Variants in ATXN7L1 observed in about 807,000 individuals in gnomAD.
ATXN7L1 encodes ataxin-7-like protein 1.
ATXN7L1 carries 15 observed loss-of-function variants against 70.8 expected under a neutral mutation model. The observed-to-expected ratio is 0.21, with a 90% confidence interval of 0.14 to 0.33. The LOEUF (loss-of-function observed/expected upper bound fraction) is 0.33, where lower values mean the gene tolerates loss of function less well. ATXN7L1 is among the 10% of genes least tolerant of loss of function. The probability of loss-of-function intolerance (pLI) is 1.00; values close to 1 mark genes in which losing one functional copy is unlikely to be tolerated. For synonymous variants in ATXN7L1, 440 were observed against 445.1 expected (o/e 0.99, Z 0.14); for missense variants, 975 against 1,097.1 (o/e 0.89, Z 1.57).
intron 3 of ATXN7L1, among the ~76,000 whole-genome samples, chr7:105,671,856 C>A (rs1803761820): frequency 7.6e-6 from 1 of 131,350 alleles, no homozygotes; most frequent in Non-Finnish European, 1.5e-5. Context: ...TTCCACTGCA[C>A]TCCAGCCTGA....
chr7:105,690,725 C>T (rs1432916341), intron 3 of ATXN7L1, among the ~76,000 whole-genome samples: 2 of 152,188 alleles, frequency 1.3e-5, no homozygotes, highest in Non-Finnish European at 2.9e-5. Context: ...GAGCGGCAGA[C>T]TCAGAGATGG....
At chr7:105,827,902 T>C (rs569557058) in intron 2 of ATXN7L1, among the ~76,000 whole-genome samples, 22 of 152,240 alleles carry the variant, frequency 1.4e-4, no homozygotes, top group Admixed American at 2.0e-4. Context: ...CAGTGAAACA[T>C]AGGAATAATC....
At chr7:105,857,826 T>C (rs1563148810) in intron 2 of ATXN7L1, among the ~76,000 whole-genome samples, 1 of 152,198 alleles carries the variant, frequency 6.6e-6, no homozygotes, top group East Asian at 1.9e-4. Context: ...TTTCACACTA[T>C]ACAAGCATCT....
chr7:105,796,103 G>A (rs549433792), intron 2 of ATXN7L1, among the ~76,000 whole-genome samples: 3 of 152,146 alleles, frequency 2.0e-5, no homozygotes, highest in African/African-American at 2.4e-5. Flanking sequence ...GGTGGCTCAC[G>A]CCTGTAATCC....
At chr7:105,754,127 G>A (rs1035723669) in intron 3 of ATXN7L1, among the ~76,000 whole-genome samples, 5 of 152,158 alleles carry the variant, frequency 3.3e-5, no homozygotes, top group African/African-American at 1.2e-4. Flanking sequence ...GATAGACTGC[G>A]GTAAGAGCTC....
intron 3 of ATXN7L1, among the ~76,000 whole-genome samples, chr7:105,695,714 G>T (rs1408890101): frequency 6.6e-6 from 1 of 152,200 alleles, no homozygotes; most frequent in Non-Finnish European, 1.5e-5. Flanking sequence ...TTAGGCCTTT[G>T]CTGAGTTCTT....
chr7:105,832,858 C>A (rs1811822130), intron 2 of ATXN7L1, among the ~76,000 whole-genome samples: 1 of 152,176 alleles, frequency 6.6e-6, no homozygotes, highest in African/African-American at 2.4e-5. Flanking sequence ...CACATCCCAC[C>A]TTTAATCCTT....
In ATXN7L1 at chr7:105,722,511, A is replaced by G. The variant is rs184648042; in HGVS notation, c.356-57223T>C. Among the ~76,000 whole-genome samples, 614 of 136,816 alleles carry G rather than the reference A, an allele frequency of 4.5e-3. 2 individuals carry two copies. Among genetic ancestry groups the G allele is most frequent in the African/African-American group, 0.015 (554 of 36,200 alleles). 89.8% of individuals were successfully genotyped at this position (136,816 alleles called of 152,430 possible). On this transcript the variant is annotated intron_variant, in intron 3 of 11. Coordinates refer to ENST00000419735, the MANE Select transcript of ATXN7L1 (RefSeq NM_020725.2). ...GGGAGGCGGAGGTTGCAGTGAGCCA[A>G]GATTGTGCCACTGTACTCCAGCCTG...
At chr7:105,825,288 C>A in intron 2 of ATXN7L1, among the ~76,000 whole-genome samples, 1 of 152,142 alleles carries the variant, frequency 6.6e-6, no homozygotes, top group Middle Eastern at 3.4e-3. Context: ...TTGAGCAGGA[C>A]GAAGACAGGC....
intron 7 of ATXN7L1, 40 bp downstream of exon 7, chr7:105,638,313 A>ACT: frequency 6.5e-7 from 1 of 1,527,312 alleles, no homozygotes; most frequent in Non-Finnish European, 8.8e-7. Context: ...TAGTCACTTG[A>ACT]CCAAGCATTC....
chr7:105,796,050 G>A (rs1430440773), intron 2 of ATXN7L1, among the ~76,000 whole-genome samples: 1 of 152,200 alleles, frequency 6.6e-6, no homozygotes, highest in African/African-American at 2.4e-5. Flanking sequence ...TTCCAGGAAG[G>A]TAGATGTGAG....
At chr7:105,675,517 C>G (rs921940883) in intron 3 of ATXN7L1, among the ~76,000 whole-genome samples, 1 of 151,786 alleles carries the variant, frequency 6.6e-6, no homozygotes, top group Admixed American at 6.6e-5. Flanking sequence ...CCCCGCTACT[C>G]GGGAGGTTGA....
chr7:105,674,933 A>C (rs1393101263), intron 3 of ATXN7L1, among the ~76,000 whole-genome samples: 1 of 152,160 alleles, frequency 6.6e-6, no homozygotes, highest in Non-Finnish European at 1.5e-5. Flanking sequence ...AAACTACAGA[A>C]ATAGAATCTG....
Position 105,614,024 on chromosome 7 carries a change from G to A in ATXN7L1, c.2310C>T (p.Leu770=). The A allele has an allele frequency of 6.4e-7, 1 of 1,552,022 alleles. No homozygotes were observed. ...TTTTTCCTTCTGATTTGTCAAAAGA[G>A]AGGGGCAGAGAAGACACAGCATTGT... ...ASHNAVSSLP[L]SFDKSEGKKR... is the part of the protein sequence containing the mutation. The change falls in exon 10 of 12, where the codon CTC becomes CTT. Residue 770 remains leucine, a synonymous_variant. Transcript: ENST00000419735. The surrounding 1 kb of genome is among the most constrained non-coding windows in gnomAD (Gnocchi z 4.3).
At position 105,614,190 on chromosome 7, in the gene ATXN7L1, T is replaced by C; in HGVS notation, c.2144A>G (p.Glu715Gly). The C allele has an allele frequency of 1.3e-6, 2 of 1,551,700 alleles. No individual in the cohort carries two copies. Among genetic ancestry groups the C allele is most frequent in the Non-Finnish European group, 1.7e-6 (2 of 1,147,004 alleles). The change falls in exon 10 of 12, where the codon GAG becomes GGG. Residue 715 changes from glutamate to glycine, a missense_variant. This residue lies in a region of ATXN7L1 where 635 missense variants were observed against 699.4 expected (regional missense o/e 0.91). Transcript: ENST00000419735. The surrounding 1 kb of genome is among the most constrained non-coding windows in gnomAD (Gnocchi z 4.3). The stretch of plus-strand genomic sequence containing the variant: ...GGGCAGCGAGGTCCGTCCTGAGGGC[T>C]CCAGTTTGGCACTGAGTGGGCTCAC... ...NGVSPLSAKLEPSGRTSLPGG... is the reference protein window; with the variant it reads ...NGVSPLSAKLGPSGRTSLPGG...
chr7:105,793,199 G>GGGGC (rs1400348136), intron 2 of ATXN7L1, among the ~76,000 whole-genome samples: 5 of 152,238 alleles, frequency 3.3e-5, no homozygotes, highest in African/African-American at 4.8e-5. Context: ...AGGCTCTGAA[G>GGGGC]GGGCTGTTGG....
intron 2 of ATXN7L1, among the ~76,000 whole-genome samples, chr7:105,867,049 C>G (rs1284738412): frequency 6.6e-6 from 1 of 152,182 alleles, no homozygotes; most frequent in Non-Finnish European, 1.5e-5. Flanking sequence ...ACAAATCTGC[C>G]TAACTTTTCT....
intron 3 of ATXN7L1, among the ~76,000 whole-genome samples, chr7:105,715,030 G>A (rs1794373640): frequency 6.6e-6 from 1 of 152,140 alleles, no homozygotes; most frequent in Admixed American, 6.5e-5. Context: ...GTGCGTGTGT[G>A]GTGTCTAGGA....
At chr7:105,696,061 C>T (rs571838866) in intron 3 of ATXN7L1, among the ~76,000 whole-genome samples, 18 of 152,322 alleles carry the variant, frequency 1.2e-4, no homozygotes, top group South Asian at 6.2e-4. Flanking sequence ...CGTTCTGCCA[C>T]GCCCTTATAA....
Sources: gnomAD v4.1 joint callset for allele counts (sites outside exome capture counted in the v4.1 genomes callset) on GRCh38, gnomAD v4.1.1 for gene constraint, gnomAD v4.1.1 regional missense constraint, Gnocchi (gnomAD v3.1) non-coding constraint, MANE v1.5 for transcripts, NCBI Gene and HGNC (gene_info 2026-07-23, HGNC 2026-07-21) for gene names.